SLC4A4: variants seen among roughly 807,000 people sequenced by gnomAD.
SLC4A4 encodes electrogenic sodium bicarbonate cotransporter 1.
A neutral mutation model predicts 111.5 loss-of-function variants in SLC4A4; 27 were observed. The observed-to-expected ratio is 0.24, with a 90% confidence interval of 0.18 to 0.33. The LOEUF (loss-of-function observed/expected upper bound fraction) is 0.33, where lower values mean the gene tolerates loss of function less well. SLC4A4 is among the 10% of genes least tolerant of loss of function. The pLI is 1.00. For synonymous variants in SLC4A4, 443 were observed against 463.4 expected, an observed-to-expected ratio of 0.96 and a Z score of 0.57; for missense variants, 909 against 1,315.5, an observed-to-expected ratio of 0.69 and a Z score of 4.78.
At chr4:71,086,452 G>A (rs193252425) in intron 1 of SLC4A4, among the ~76,000 whole-genome samples, 1 of 152,152 alleles carries the variant, frequency 6.6e-6, no homozygotes, top group East Asian at 1.9e-4. Context: ...TTGAATAGGA[G>A]TGGTGAGAGA....
At chr4:71,208,288 G>T (rs561821915) in intron 1 of SLC4A4, among the ~76,000 whole-genome samples, 1 of 151,970 alleles carries the variant, frequency 6.6e-6, no homozygotes, top group Non-Finnish European at 1.5e-5. Context: ...AAAATTTGCC[G>T]GGTGTGGTGG....
chr4:71,525,162 G>T (rs1039098021), intron 16 of SLC4A4, among the ~76,000 whole-genome samples: 1 of 151,960 alleles, frequency 6.6e-6, no homozygotes, highest in Admixed American at 6.6e-5. Flanking sequence ...AAGTTGTTTT[G>T]CCAAAGAAGG....
chr4:71,480,348 C>T (rs144733717), intron 14 of SLC4A4, among the ~76,000 whole-genome samples: 5 of 150,058 alleles, frequency 3.3e-5, no homozygotes, highest in South Asian at 2.1e-4. Flanking sequence ...GCTGAAAATA[C>T]TTGGGAAAAC....
intron 3 of SLC4A4, among the ~76,000 whole-genome samples, chr4:71,326,217 G>C (rs1316195984): frequency 6.6e-6 from 1 of 151,754 alleles, no homozygotes; most frequent in Non-Finnish European, 1.5e-5. Flanking sequence ...ATATCTATCA[G>C]ACTTACTTAG....
chr4:71,077,496 G>A (rs11727496), intron 1 of SLC4A4, among the ~76,000 whole-genome samples: 29,802 of 151,992 alleles, frequency 0.2, 3,062 homozygotes, highest in South Asian at 0.23. Context: ...TTTCTATCTC[G>A]TTCTACCTAT....
intron 16 of SLC4A4, among the ~76,000 whole-genome samples, chr4:71,519,895 C>T (rs1209048158): frequency 6.6e-6 from 1 of 152,130 alleles, no homozygotes; most frequent in Non-Finnish European, 1.5e-5. Flanking sequence ...AGTGATCTGT[C>T]CGCCTTGCCC....
chr4:71,319,645 T>C (rs1370263853), intron 3 of SLC4A4, among the ~76,000 whole-genome samples: 2 of 152,104 alleles, frequency 1.3e-5, no homozygotes, highest in African/African-American at 2.4e-5. Context: ...GAATCAATAA[T>C]ACATCAGTAG....
In SLC4A4 at chr4:71,567,082, A is replaced by C. The variant is rs1004565851; in HGVS notation, c.*35A>C. ...TTTCCTTCAGTCACTCGGTATGCCA[A>C]GGTAAAGGAGAGCCCAGTATTTTAT... On this transcript the variant is annotated splice_region_variant and 3_prime_UTR_variant, in exon 25 of 26. Coordinates refer to ENST00000264485, the MANE Select transcript of SLC4A4 (RefSeq NM_001098484.3). The C allele has an allele frequency of 6.2e-7, 1 of 1,606,398 alleles. No homozygotes were observed. The highest frequency in any genetic ancestry group is 1.3e-5 in the African/African-American group (1 of 74,480).
chr4:71,216,287 T>A (rs1161598236), intron 1 of SLC4A4, among the ~76,000 whole-genome samples: 1 of 152,244 alleles, frequency 6.6e-6, no homozygotes, highest in Non-Finnish European at 1.5e-5. Context: ...AACATTTTTT[T>A]CTTGCTTTCA....
chr4:71,541,344 T>A (rs1463698459), intron 18 of SLC4A4, among the ~76,000 whole-genome samples: 2 of 151,910 alleles, frequency 1.3e-5, no homozygotes, highest in Admixed American at 1.3e-4. Context: ...GAGAGCAGCA[T>A]TGAGGGCTGA....
intron 15 of SLC4A4, among the ~76,000 whole-genome samples, chr4:71,496,422 T>G (rs1440748279): frequency 6.6e-6 from 1 of 152,020 alleles, no homozygotes; most frequent in African/African-American, 2.4e-5. Context: ...GAGTTTTGCT[T>G]CAGCCTGATC....
intron 6 of SLC4A4, among the ~76,000 whole-genome samples, chr4:71,366,260 A>C (rs1283520498): frequency 2.0e-5 from 3 of 150,852 alleles, no homozygotes; most frequent in Non-Finnish European, 4.4e-5. Context: ...CCATGAATAA[A>C]ATTTATTTTC....
chr4:71,323,267 A>G (rs781023700), intron 3 of SLC4A4, among the ~76,000 whole-genome samples: 1 of 152,020 alleles, frequency 6.6e-6, no homozygotes, highest in Non-Finnish European at 1.5e-5. Context: ...CTTCCACTTA[A>G]GGATAATAAT....
chr4:71,395,710 C>T (rs1376530353), intron 6 of SLC4A4, among the ~76,000 whole-genome samples: 1 of 152,114 alleles, frequency 6.6e-6, no homozygotes, highest in African/African-American at 2.4e-5. Flanking sequence ...ATAAAGAGTG[C>T]CTATAGCAAA....
chr4:71,430,791 A>G (rs890576131), intron 7 of SLC4A4, among the ~76,000 whole-genome samples: 1 of 152,132 alleles, frequency 6.6e-6, no homozygotes, highest in African/African-American at 2.4e-5. Context: ...ACGACGGGGA[A>G]CAACCTCAGC....
intron 1 of SLC4A4, among the ~76,000 whole-genome samples, chr4:71,234,383 G>A (rs948980895): frequency 1.3e-5 from 2 of 152,146 alleles, no homozygotes; most frequent in Non-Finnish European, 2.9e-5. Context: ...AATCCTCATG[G>A]GAACCAGGGG....
chr4:71,282,827 C>T (rs1374494375), intron 3 of SLC4A4, among the ~76,000 whole-genome samples: 3 of 151,048 alleles, frequency 2.0e-5, no homozygotes, highest in Non-Finnish European at 3.0e-5. Flanking sequence ...TCCTCCTACC[C>T]GGGCCTCCCA....
chr4:71,393,219 C>T (rs182852911), intron 6 of SLC4A4, among the ~76,000 whole-genome samples: 1 of 152,196 alleles, frequency 6.6e-6, no homozygotes, highest in East Asian at 1.9e-4. Context: ...AAGAGGAAGT[C>T]AAACTGACAC....
intron 3 of SLC4A4, among the ~76,000 whole-genome samples, chr4:71,266,089 G>T (rs574230504): frequency 2.6e-5 from 4 of 152,274 alleles, no homozygotes; most frequent in Non-Finnish European, 4.4e-5. Flanking sequence ...TAACAAAGAT[G>T]CTACCCTGAG....
Sources: allele counts gnomAD v4.1 joint callset (sites outside exome capture counted in the v4.1 genomes callset), GRCh38; gene constraint gnomAD v4.1.1; transcripts MANE v1.5; gene names NCBI Gene and HGNC (gene_info 2026-07-23, HGNC 2026-07-21).